The following FAM219B variants were observed in gnomAD, a reference collection of about 807,000 sequenced individuals.
FAM219B encodes family with sequence similarity 219 member B.
FAM219B carries 18 observed loss-of-function variants against 19.9 expected under a neutral mutation model. The ratio of observed to expected loss-of-function variants is 0.91; its 90% CI spans 0.63 to 1.34. The LOEUF is 1.34. Among genes scored for constraint, FAM219B ranks in the 40% most tolerant of loss-of-function variants. FAM219B has a pLI of 0.00. For missense variants in FAM219B, 283 were observed against 270.5 expected (o/e 1.05, Z -0.32); for synonymous variants, 123 against 117.5 (o/e 1.05, Z -0.30).
downstream of FAM219B, chr15:74,898,490 C>T (rs2064856440): frequency 6.4e-6 from 1 of 156,196 alleles, no homozygotes; most frequent in African/African-American, 2.4e-5. Context: ...GAGAAGGTGA[C>T]TCAAAGGATA....
rs547444442 is a variant in FAM219B at position 74,901,868 on chromosome 15, G to GA, written c.*750dup. ...GGTGAAGAAACTCACCCAGACCAAG[G>GA]AAATACAAATAAATAAATATGAACA... On this transcript the variant is annotated 3_prime_UTR_variant, in exon 5 of 5. Coordinates refer to ENST00000357635, the MANE Select transcript of FAM219B (RefSeq NM_020447.5). 1.8e-3 allele frequency: 657 copies of GA among 369,892 alleles called. No individual in the cohort carries two copies. Among genetic ancestry groups the GA allele is most frequent in the Middle Eastern group, 3.5e-3 (5 of 1,448 alleles). The allele number at this position is 369,892 out of a possible 1,614,324, so 22.9% of individuals were successfully genotyped here.
chr15:74,899,661 C>T (rs1038071070), downstream of FAM219B: 1 of 152,240 alleles, frequency 6.6e-6, no homozygotes, highest in African/African-American at 2.4e-5. Flanking sequence ...GAGTCTCGCA[C>T]TGTCTCCCGG....
rs777733580 is a variant in FAM219B, at chr15:74,906,655, G to A, written c.146C>T (p.Thr49Ile). The change falls in exon 1 of 5, where the codon ACC becomes ATC. Residue 49 changes from threonine (T) to isoleucine (I), a missense_variant. Thr to Ile is a moderately conservative substitution (Grantham distance 89). Coordinates refer to ENST00000357635, the MANE Select transcript of FAM219B (RefSeq NM_020447.5). ...CCCCCGCTTTTCCACGGCCGCGGGG[G>A]TGCGCTCCCCCAGACGGAGGGCTCT... ...GNRALRLGER[T>I]PAAVEKRGPY... 40 of 1,507,890 alleles carry A rather than the reference G, an allele frequency of 2.7e-5. No homozygotes were observed. The highest frequency in any genetic ancestry group is 1.8e-4 in the Middle Eastern group (1 of 5,554). 93.4% of individuals were successfully genotyped at this position (1,507,890 alleles called of 1,614,324 possible). A position where few individuals can be genotyped will look rare whatever the true frequency, so the allele number is the denominator to read the frequency against.
At chr15:74,899,375 C>T (rs1288815924), downstream of FAM219B, 1 of 152,206 alleles carries the variant, frequency 6.6e-6, no homozygotes, top group Non-Finnish European at 1.5e-5. Flanking sequence ...CTTCAAAAAT[C>T]TCCTGGGTTT....
At position 74,906,384 on chromosome 15, in the gene FAM219B, G is replaced by A; in HGVS notation, c.215-19C>T. 2.5e-6 allele frequency: 4 copies of A among 1,591,628 alleles called. No homozygotes were observed. The highest frequency in any genetic ancestry group is 3.4e-6 in the Non-Finnish European group (4 of 1,169,232). On this transcript the variant is annotated intron_variant, in intron 1 of 4. Coordinates refer to ENST00000357635, the MANE Select transcript of FAM219B (RefSeq NM_020447.5). Reference sequence around the variant, plus strand: ...TGCTTCTCTGGAAGTTAAAGGACCCGGGTCAGCCGGGTCTTCCCCACTCCG... The same window carrying A: ...TGCTTCTCTGGAAGTTAAAGGACCCAGGTCAGCCGGGTCTTCCCCACTCCG...
At chr15:74,898,152 G>A (rs1167249992), downstream of FAM219B, 1 of 349,070 alleles carries the variant, frequency 2.9e-6, no homozygotes, top group African/African-American at 2.1e-5. Context: ...GAGGAGGAAA[G>A]GGAAAGGGTA....
At chr15:74,898,088 G>A (rs117375132), downstream of FAM219B, 9,445 of 379,460 alleles carry the variant, frequency 0.025, 243 homozygotes, top group South Asian at 0.063. Flanking sequence ...AAGAGACCAG[G>A]TAATTTCTAA....
chr15:74,905,487 G>A (rs577756145), intron 2 of FAM219B: 29 of 369,988 alleles, frequency 7.8e-5, no homozygotes, highest in African/African-American at 4.6e-4. Flanking sequence ...GCAGTGGCGC[G>A]ATCTCGGCTC....
chr15:74,904,905 C>A, intron 3 of FAM219B, 193 bp from the exon 4 acceptor site: 1 of 1,478,338 alleles, frequency 6.8e-7, no homozygotes, highest in Non-Finnish European at 9.2e-7. Context: ...GGGTCACTCT[C>A]ACTAACAATG....
intron 2 of FAM219B, 194 bp from the exon 3 acceptor site, chr15:74,905,425 C>CT: frequency 2.0e-6 from 1 of 505,898 alleles, no homozygotes. Context: ...TGTTCTCATT[C>CT]TTTTTTTCTT....
chr15:74,906,593 T>G lies in FAM219B; in HGVS notation c.208A>C (p.Lys70Gln), dbSNP rs898023133. The change falls in exon 1 of 5, where the codon AAG (lysine) becomes CAG (glutamine). Residue 70 changes from lysine to glutamine, a missense_variant. Transcript: ENST00000357635. Reference sequence around the variant, plus strand: ...ACCATCGGGCCACACTCACGCAGCTTGGCTTGAATGGAGGGTGCGCGCGTC... The same window carrying G: ...ACCATCGGGCCACACTCACGCAGCTGGGCTTGAATGGAGGGTGCGCGCGTC... ...MVTRAPSIQA[K>Q]LQKHRDLAKA... The G allele has an allele frequency of 6.6e-6, 10 of 1,506,102 alleles. No homozygotes were observed. Among genetic ancestry groups the G allele is most frequent in the Non-Finnish European group, 8.9e-6 (10 of 1,129,450 alleles). The allele number at this position is 1,506,102 out of a possible 1,614,324, so 93.3% of individuals were successfully genotyped here.
rs761384109 is a variant in FAM219B at position 74,904,646 on chromosome 15, A to G, written c.429+18T>C. On this transcript the variant is annotated intron_variant, in intron 4 of 4. Coordinates refer to ENST00000357635, the MANE Select transcript of FAM219B (RefSeq NM_020447.5). ...TGCCTGCAGCCTGGCCCTGCACAGA[A>G]AGGTGTTCTGGACTTGCCTCTGCAG... 32 of 1,614,062 alleles carry G rather than the reference A, an allele frequency of 2.0e-5. No individual in the cohort carries two copies. The East Asian group carries it at 6.5e-4, about 33-fold the overall frequency.
At chr15:74,905,934 AAAAC>A (rs1035202068) in intron 2 of FAM219B, 28 of 232,404 alleles carry the variant, frequency 1.2e-4, no homozygotes, top group Middle Eastern at 1.5e-3. Flanking sequence ...TATTCTGTTA[AAAAC>A]AAACAAACAA....
intron 3 of FAM219B, 46 bp from the exon 4 acceptor site, chr15:74,904,758 C>T: frequency 1.2e-6 from 2 of 1,610,822 alleles, no homozygotes; most frequent in Non-Finnish European, 8.5e-7. Context: ...ACCTGTGGTG[C>T]ACAGCTGTAA....
In FAM219B at chr15:74,900,640, G is replaced by A. The variant is rs542838387; in HGVS notation, c.*1979C>T. On this transcript the variant is annotated 3_prime_UTR_variant, in exon 5 of 5. Coordinates refer to ENST00000357635, the MANE Select transcript of FAM219B (RefSeq NM_020447.5). The stretch of plus-strand genomic sequence containing the variant: ...AGGCCTGGACATGGTCTCTGCAGAT[G>A]GGGAAGGGGTTCTGGATGGAGATGT... The A allele has an allele frequency of 6.6e-6, 1 of 152,380 alleles. No individual in the cohort carries two copies. Among genetic ancestry groups the A allele is most frequent in the South Asian group, 2.1e-4 (1 of 4,828 alleles). 9.4% of individuals were successfully genotyped at this position (152,380 alleles called of 1,614,324 possible). A position where few individuals can be genotyped will look rare whatever the true frequency, so the allele number is the denominator to read the frequency against.
At position 74,902,044 on chromosome 15, in the gene FAM219B, C is replaced by A; in HGVS notation, c.*575G>T. 2 of 398,428 alleles carry A rather than the reference C, an allele frequency of 5.0e-6. No homozygotes were observed. The highest frequency in any genetic ancestry group is 2.6e-4 in the South Asian group (2 of 7,766). The allele number at this position is 398,428 out of a possible 1,614,324, so 24.7% of individuals were successfully genotyped here. On this transcript the variant is annotated 3_prime_UTR_variant, in exon 5 of 5. Coordinates refer to ENST00000357635, the MANE Select transcript of FAM219B (RefSeq NM_020447.5). ...TTAAGCAACCTGCTATGATCCCTGT[C>A]ATAGTTAGACAGGTGCAACCTGAAG...
At chr15:74,899,157 C>A (rs2064868968), downstream of FAM219B, 1 of 152,218 alleles carries the variant, frequency 6.6e-6, no homozygotes, top group Admixed American at 6.5e-5. Flanking sequence ...ATGCCCTGCT[C>A]CAGGGGTGGC....
intron 1 of FAM219B, 78 bp downstream of exon 1, chr15:74,906,509 C>G: frequency 1.4e-6 from 2 of 1,466,552 alleles, no homozygotes; most frequent in Non-Finnish European, 1.8e-6. Flanking sequence ...CGAGGCCCAG[C>G]GGAGCTCCGG....
chr15:74,906,731 G>T lies in FAM219B; in HGVS notation c.70C>A (p.Arg24=). 7.3e-7 allele frequency: 1 copy of T among 1,362,412 alleles called. No homozygotes were observed. The highest frequency in any genetic ancestry group is 9.5e-7 in the Non-Finnish European group (1 of 1,055,184). 84.4% of individuals were successfully genotyped at this position (1,362,412 alleles called of 1,614,324 possible). A position where few individuals can be genotyped will look rare whatever the true frequency, so the allele number is the denominator to read the frequency against. ...STPGPRPSGA[R]DRAPGAAGPP... is the part of the protein sequence containing the mutation. ...CCCGCAGCTCCCGGCGCGCGGTCCCGAGCCCCGCTGGGCCGGGGTCCCGGG... is the reference window on the plus strand; with the variant it reads ...CCCGCAGCTCCCGGCGCGCGGTCCCTAGCCCCGCTGGGCCGGGGTCCCGGG... Residue 24 remains arginine, a synonymous_variant, in exon 1 of 5, where the codon CGG becomes AGG. Coordinates refer to ENST00000357635, the MANE Select transcript of FAM219B (RefSeq NM_020447.5).
Sources: gnomAD v4.1 joint callset for allele counts on GRCh38, gnomAD v4.1.1 for gene constraint, MANE v1.5 for transcripts, NCBI Gene and HGNC (gene_info 2026-07-23, HGNC 2026-07-21) for gene names.